Variants in GALNT13 observed in about 807,000 individuals in gnomAD.
GALNT13 encodes the protein polypeptide N-acetylgalactosaminyltransferase 13, also known as UDP-GalNAc:polypeptide N-acetylgalactosaminyltransferase 13.
GALNT13 carries 28 observed loss-of-function variants against 64.2 expected under a neutral mutation model. The ratio of observed to expected loss-of-function variants is 0.44; its 90% CI spans 0.32 to 0.60. GALNT13 has a LOEUF of 0.60. Among genes scored for constraint, GALNT13 ranks in the 20% least tolerant of loss-of-function variants. GALNT13 has a pLI of 0.05. For synonymous variants in GALNT13, 214 were observed against 224.6 expected (o/e 0.95, Z 0.42); for missense variants, 577 against 669.8 (o/e 0.86, Z 1.53).
the GALNT13 span, among the ~76,000 whole-genome samples, chr2:153,825,538 GCCA>G: frequency 6.6e-6 from 1 of 151,306 alleles, no homozygotes; most frequent in African/African-American, 2.4e-5. Flanking sequence ...TTGGTCTCTG[GCCA>G]CTTAAGTTTT....
chr2:153,233,402 A>G, the GALNT13 span, among the ~76,000 whole-genome samples: 1 of 151,934 alleles, frequency 6.6e-6, no homozygotes, highest in Non-Finnish European at 1.5e-5. Flanking sequence ...AACTCTATCT[A>G]TCTAGAGGAT....
At chr2:154,132,111 C>T (rs13411662) in intron 3 of GALNT13, among the ~76,000 whole-genome samples, 7,657 of 152,182 alleles carry the variant, frequency 0.05, 379 homozygotes, top group African/African-American at 0.13. Flanking sequence ...TCCCAGTCCA[C>T]GGATTCAAAG....
chr2:153,751,333 C>G, the GALNT13 span, among the ~76,000 whole-genome samples: 11 of 151,308 alleles, frequency 7.3e-5, no homozygotes, highest in African/African-American at 2.2e-4. Flanking sequence ...CATTTGGTCT[C>G]TAATGCAGTT....
chr2:153,321,161 T>A, the GALNT13 span, among the ~76,000 whole-genome samples: 16 of 152,250 alleles, frequency 1.1e-4, no homozygotes, highest in African/African-American at 3.9e-4. Flanking sequence ...GAGGGAATAG[T>A]GTACATTTTA....
At chr2:153,544,967 G>A in the GALNT13 span, among the ~76,000 whole-genome samples, 3 of 152,090 alleles carry the variant, frequency 2.0e-5, no homozygotes, top group Non-Finnish European at 2.9e-5. Flanking sequence ...GTAAGGGAGG[G>A]GTAGAAATGA....
the GALNT13 span, among the ~76,000 whole-genome samples, chr2:153,251,315 G>T: frequency 4.6e-5 from 7 of 152,280 alleles, no homozygotes; most frequent in South Asian, 1.5e-3. Context: ...TGCTACAGAG[G>T]TAATTAATTT....
chr2:153,789,194 TG>T, the GALNT13 span, among the ~76,000 whole-genome samples: 1 of 152,076 alleles, frequency 6.6e-6, no homozygotes, highest in Non-Finnish European at 1.5e-5. Context: ...GACCACACGC[TG>T]AAACATGAAA....
the GALNT13 span, among the ~76,000 whole-genome samples, chr2:153,307,485 AG>A: frequency 6.6e-6 from 1 of 152,200 alleles, no homozygotes; most frequent in East Asian, 1.9e-4. Context: ...AAAGTTTTAA[AG>A]ATGAATATTT....
At chr2:153,779,694 G>A in the GALNT13 span, among the ~76,000 whole-genome samples, 1 of 152,016 alleles carries the variant, frequency 6.6e-6, no homozygotes, top group Non-Finnish European at 1.5e-5. Context: ...TGTATTTCCA[G>A]ACTCACAATA....
At chr2:153,339,711 T>A in the GALNT13 span, among the ~76,000 whole-genome samples, 3 of 152,212 alleles carry the variant, frequency 2.0e-5, no homozygotes, top group Non-Finnish European at 2.9e-5. Context: ...AGAAGCTTTT[T>A]GCCTGTGTGG....
chr2:154,275,601 G>T (rs999255836), intron 8 of GALNT13, among the ~76,000 whole-genome samples: 1 of 152,180 alleles, frequency 6.6e-6, no homozygotes, highest in Non-Finnish European at 1.5e-5. Context: ...AGATGTCCAG[G>T]CAGAGGTATG....
chr2:154,085,671 A>G (rs762305375), intron 3 of GALNT13, among the ~76,000 whole-genome samples: 20 of 152,090 alleles, frequency 1.3e-4, no homozygotes, highest in Non-Finnish European at 2.2e-4. Context: ...TATGCAGACT[A>G]CACATAGTAA....
chr2:153,489,230 A>G, the GALNT13 span, among the ~76,000 whole-genome samples: 11 of 152,328 alleles, frequency 7.2e-5, no homozygotes, highest in South Asian at 2.3e-3. Flanking sequence ...CAACTACACA[A>G]CATATCCATG....
the GALNT13 span, among the ~76,000 whole-genome samples, chr2:153,807,602 C>T: frequency 1.3e-5 from 2 of 151,934 alleles, no homozygotes; most frequent in African/African-American, 4.8e-5. Flanking sequence ...TATGCCAGAC[C>T]TTTTCCCATC....
chr2:154,025,687 A>T (rs1306984714), intron 3 of GALNT13, among the ~76,000 whole-genome samples: 1 of 152,164 alleles, frequency 6.6e-6, no homozygotes, highest in East Asian at 1.9e-4. Context: ...ATCTTTATTA[A>T]TTACTCACTC....
chr2:153,827,103 T>C, the GALNT13 span, among the ~76,000 whole-genome samples: 6 of 152,014 alleles, frequency 3.9e-5, no homozygotes, highest in East Asian at 1.2e-3. Flanking sequence ...GGCCTTACAA[T>C]CATGGCGGAA....
chr2:153,868,637 C>T (rs767171806), upstream of GALNT13, among the ~76,000 whole-genome samples: 1 of 152,128 alleles, frequency 6.6e-6, no homozygotes, highest in Admixed American at 6.5e-5. Flanking sequence ...TTAGAATGAG[C>T]GCCTTGGTTA....
chr2:154,414,018 A>G (rs990611815), intron 11 of GALNT13, among the ~76,000 whole-genome samples: 1 of 152,018 alleles, frequency 6.6e-6, no homozygotes, highest in African/African-American at 2.4e-5. Context: ...TAATTTATTT[A>G]TTCTTTTATT....
At chr2:153,441,207 C>T in the GALNT13 span, among the ~76,000 whole-genome samples, 2 of 152,114 alleles carry the variant, frequency 1.3e-5, no homozygotes, top group Non-Finnish European at 2.9e-5. Context: ...AATAGGAAAT[C>T]CTCTCCTCAT....
Sources: gnomAD v4.1 joint callset for allele counts (sites outside exome capture counted in the v4.1 genomes callset) on GRCh38, gnomAD v4.1.1 for gene constraint, MANE v1.5 for transcripts, NCBI Gene and HGNC (gene_info 2026-07-23, HGNC 2026-07-21) for gene names.